The following RAD51B variants were observed in gnomAD, a reference collection of about 807,000 sequenced individuals.
RAD51B encodes the protein RAD51 paralog B.
RAD51B carries 38 observed loss-of-function variants against 42.2 expected under a neutral mutation model. The ratio of observed to expected loss-of-function variants is 0.90; its 90% CI spans 0.70 to 1.18. RAD51B has a LOEUF of 1.18. RAD51B is among the 50% of genes most tolerant of loss of function. The probability of loss-of-function intolerance (pLI) is 0.00; values close to 1 mark genes in which losing one functional copy is unlikely to be tolerated. For missense variants in RAD51B, 373 were observed against 400.7 expected (o/e 0.93, Z 0.59); for synonymous variants, 154 against 145.2 (o/e 1.06, Z -0.43).
chr14:68,268,797 G>T (rs1456859037), intron 7 of RAD51B, among the ~76,000 whole-genome samples: 2 of 152,160 alleles, frequency 1.3e-5, no homozygotes. Context: ...TTCCTAGACT[G>T]CATTTAGTAG....
At chr14:67,983,953 T>C (rs765111754) in intron 7 of RAD51B, among the ~76,000 whole-genome samples, 21 of 151,998 alleles carry the variant, frequency 1.4e-4, no homozygotes, top group Non-Finnish European at 2.5e-4. Flanking sequence ...TCTTTCTTTT[T>C]TTTCTTGACA....
intron 10 of RAD51B, among the ~76,000 whole-genome samples, chr14:68,604,896 T>C (rs1317443903): frequency 1.3e-5 from 2 of 152,196 alleles, no homozygotes; most frequent in Non-Finnish European, 2.9e-5. Context: ...AGTGACACTT[T>C]GGACAGGTCA....
chr14:67,929,611 G>A (rs1031230540), intron 7 of RAD51B, among the ~76,000 whole-genome samples: 5 of 152,056 alleles, frequency 3.3e-5, no homozygotes, highest in Non-Finnish European at 5.9e-5. Flanking sequence ...CTAAAGTCCC[G>A]TTTAAGTCTG....
intron 10 of RAD51B, among the ~76,000 whole-genome samples, chr14:68,507,903 C>T (rs117277104): frequency 2.0e-5 from 3 of 152,270 alleles, no homozygotes; most frequent in East Asian, 3.9e-4. Flanking sequence ...GAGCAGAGAG[C>T]CTGAACCCAC....
intron 10 of RAD51B, chr14:68,497,485 G>GTTTT: frequency 1.2e-6 from 1 of 843,444 alleles, no homozygotes; most frequent in Non-Finnish European, 1.5e-6. Context: ...GAACACATAG[G>GTTTT]TTTTTTTTTT....
intron 7 of RAD51B, among the ~76,000 whole-genome samples, chr14:68,278,882 T>C (rs1438673891): frequency 2.0e-5 from 3 of 152,228 alleles, no homozygotes; most frequent in Non-Finnish European, 2.9e-5. Context: ...CCTGGTGAGA[T>C]AGGAAACCTT....
chr14:68,678,147 G>A (rs1000725788), intron 11 of RAD51B, among the ~76,000 whole-genome samples: 5 of 152,120 alleles, frequency 3.3e-5, no homozygotes, highest in African/African-American at 9.7e-5. Context: ...AATAAATGGC[G>A]GGGCCTGGAT....
chr14:68,381,404 G>A lies in RAD51B; in HGVS notation c.854-30020G>A, dbSNP rs556113972. 5.3e-5 allele frequency among the ~76,000 whole-genome samples: 8 copies of A among 152,234 alleles called. No individual in the cohort carries two copies. In the South Asian group the frequency reaches 1.0e-3, roughly 20 times the overall value. Reference sequence around the variant, plus strand: ...AAAAGCCATAGAGTTGGCCGGGCACGGTGGCTCACACCTGTAATCCCAGCA... The same window carrying A: ...AAAAGCCATAGAGTTGGCCGGGCACAGTGGCTCACACCTGTAATCCCAGCA... On this transcript the variant is annotated intron_variant, in intron 8 of 10. Transcript: ENST00000471583.
intron 5 of RAD51B, among the ~76,000 whole-genome samples, chr14:67,880,123 C>T (rs746567160): frequency 1.3e-5 from 2 of 152,188 alleles, no homozygotes; most frequent in African/African-American, 2.4e-5. Context: ...TCATTAGTAT[C>T]TCCACTGATC....
chr14:68,548,027 T>A (rs1888324678), intron 10 of RAD51B, among the ~76,000 whole-genome samples: 1 of 152,192 alleles, frequency 6.6e-6, no homozygotes, highest in Non-Finnish European at 1.5e-5. Context: ...GAAGGCATCC[T>A]GTCTTGGAGG....
intron 7 of RAD51B, among the ~76,000 whole-genome samples, chr14:68,034,384 A>G (rs1430002557): frequency 6.6e-6 from 1 of 151,640 alleles, no homozygotes; most frequent in Non-Finnish European, 1.5e-5. Flanking sequence ...CAATCCTCCT[A>G]CTTCAGGCTC....
chr14:68,545,478 A>G (rs1473514328), intron 10 of RAD51B: 6 of 430,766 alleles, frequency 1.4e-5, no homozygotes, highest in African/African-American at 1.2e-4. Context: ...TTTTTTTCAG[A>G]ATGGAACAAT....
chr14:68,332,224 A>T (rs971635722), intron 8 of RAD51B, among the ~76,000 whole-genome samples: 1 of 152,070 alleles, frequency 6.6e-6, no homozygotes, highest in African/African-American at 2.4e-5. Context: ...TTACCCACCC[A>T]TCCCCCAAAT....
chr14:67,986,289 T>TAC (rs1356092878), intron 7 of RAD51B, among the ~76,000 whole-genome samples: 4 of 152,206 alleles, frequency 2.6e-5, no homozygotes, highest in African/African-American at 4.8e-5. Context: ...ATTTAAAACA[T>TAC]ACAGGGAAGA....
intron 9 of RAD51B, among the ~76,000 whole-genome samples, chr14:68,465,466 G>A (rs540542586): frequency 6.6e-6 from 1 of 152,250 alleles, no homozygotes; most frequent in South Asian, 2.1e-4. Flanking sequence ...ATGAACCACA[G>A]CATCATCGTC....
intron 11 of RAD51B, among the ~76,000 whole-genome samples, chr14:68,677,158 C>T (rs963873503): frequency 6.6e-6 from 1 of 152,074 alleles, no homozygotes; most frequent in African/African-American, 2.4e-5. Context: ...TCCCATATAC[C>T]ATGCTGTTTT....
intron 9 of RAD51B, among the ~76,000 whole-genome samples, chr14:68,436,475 T>C (rs896525697): frequency 2.0e-5 from 3 of 152,210 alleles, no homozygotes; most frequent in Non-Finnish European, 4.4e-5. Context: ...CTTTATTATT[T>C]CTGCTTAGGA....
At chr14:68,376,513 A>G (rs1417348326) in intron 8 of RAD51B, among the ~76,000 whole-genome samples, 2 of 152,216 alleles carry the variant, frequency 1.3e-5, no homozygotes, top group African/African-American at 4.8e-5. Flanking sequence ...GCCTTTCCTA[A>G]TGGTCTGATG....
At chr14:68,122,050 T>G (rs1376050097) in intron 7 of RAD51B, among the ~76,000 whole-genome samples, 3 of 152,114 alleles carry the variant, frequency 2.0e-5, no homozygotes, top group Non-Finnish European at 4.4e-5. Context: ...GAAATGGAGT[T>G]GAATTTATAT....
Sources: gnomAD v4.1 joint callset for allele counts (sites outside exome capture counted in the v4.1 genomes callset) on GRCh38, gnomAD v4.1.1 for gene constraint, MANE v1.5 for transcripts, NCBI Gene and HGNC (gene_info 2026-07-23, HGNC 2026-07-21) for gene names.